CAMKMT: variants seen among roughly 807,000 people sequenced by gnomAD.
The protein encoded by CAMKMT is CaM KMT.
In CAMKMT, 53 loss-of-function variants were observed where a neutral mutation model predicts 48.0. The observed-to-expected ratio is 1.10, with a 90% CI of 0.89 to 1.39. The LOEUF is 1.39. Ranked by LOEUF, CAMKMT falls within the 40% of genes most tolerant of loss-of-function variation. CAMKMT has a pLI of 0.00. For missense variants in CAMKMT, 428 were observed against 402.7 expected (o/e 1.06, Z -0.54); for synonymous variants, 165 against 152.3 (o/e 1.08, Z -0.61).
intron 3 of CAMKMT, among the ~76,000 whole-genome samples, chr2:44,609,491 TA>T (rs1262026086): frequency 2.0e-5 from 3 of 152,314 alleles, no homozygotes; most frequent in African/African-American, 7.2e-5. Flanking sequence ...GCTTAATCAA[TA>T]AAAAATTTAG....
chr2:44,635,646 G>A (rs550258646), intron 3 of CAMKMT, among the ~76,000 whole-genome samples: 3 of 152,254 alleles, frequency 2.0e-5, no homozygotes, highest in East Asian at 3.9e-4. Flanking sequence ...TAAAGATTCT[G>A]AATATGACTT....
intron 8 of CAMKMT, among the ~76,000 whole-genome samples, chr2:44,750,473 T>A (rs940143165): frequency 1.3e-5 from 2 of 152,214 alleles, no homozygotes; most frequent in African/African-American, 4.8e-5. Flanking sequence ...CCCTGCTTTT[T>A]AAAAAGACAT....
At chr2:44,424,719 T>C (rs1304436116) in intron 3 of CAMKMT, among the ~76,000 whole-genome samples, 4 of 152,114 alleles carry the variant, frequency 2.6e-5, no homozygotes, top group Non-Finnish European at 4.4e-5. Flanking sequence ...AGCTAAGCTA[T>C]GAGGATGCAA....
intron 3 of CAMKMT, among the ~76,000 whole-genome samples, chr2:44,670,347 G>A (rs1052258037): frequency 6.6e-6 from 1 of 152,148 alleles, no homozygotes; most frequent in African/African-American, 2.4e-5. Flanking sequence ...TGGAGGCTGA[G>A]GCAGGAGGAT....
At chr2:44,648,893 G>A (rs1220620121) in intron 3 of CAMKMT, among the ~76,000 whole-genome samples, 1 of 152,150 alleles carries the variant, frequency 6.6e-6, no homozygotes, top group Non-Finnish European at 1.5e-5. Flanking sequence ...ACAGCTTCCA[G>A]ACAAGTACTA....
intron 3 of CAMKMT, among the ~76,000 whole-genome samples, chr2:44,621,496 G>A (rs560645132): frequency 6.6e-6 from 1 of 152,272 alleles, no homozygotes; most frequent in South Asian, 2.1e-4. Context: ...AGATCTAAAG[G>A]ATGAGAATAG....
intron 7 of CAMKMT, among the ~76,000 whole-genome samples, chr2:44,721,385 A>G (rs1678453499): frequency 6.6e-6 from 1 of 152,158 alleles, no homozygotes; most frequent in African/African-American, 2.4e-5. Flanking sequence ...TGCTTTCCCT[A>G]TTTTATTTGT....
chr2:44,767,652 C>T, intron 10 of CAMKMT, among the ~76,000 whole-genome samples: 1 of 152,074 alleles, frequency 6.6e-6, no homozygotes, highest in African/African-American at 2.4e-5. Flanking sequence ...GCCCATTGCT[C>T]ATGATCAGAA....
chr2:44,396,731 A>T (rs1350939882), intron 3 of CAMKMT, among the ~76,000 whole-genome samples: 3 of 150,934 alleles, frequency 2.0e-5, no homozygotes, highest in Admixed American at 6.6e-5. Context: ...TCAACTAATG[A>T]TTACCTTTCT....
At chr2:44,555,400 ACATAT>A (rs1242580124) in intron 3 of CAMKMT, among the ~76,000 whole-genome samples, 2 of 152,164 alleles carry the variant, frequency 1.3e-5, no homozygotes, top group African/African-American at 4.8e-5. Context: ...GGCTTGTTTG[ACATAT>A]TGCTGAAGCA....
At chr2:44,640,609 A>C (rs925881661) in intron 3 of CAMKMT, among the ~76,000 whole-genome samples, 1 of 152,196 alleles carries the variant, frequency 6.6e-6, no homozygotes, top group Non-Finnish European at 1.5e-5. Flanking sequence ...GAAGCACACC[A>C]CACACTGCCC....
intron 3 of CAMKMT, among the ~76,000 whole-genome samples, chr2:44,654,083 C>T (rs1040867395): frequency 6.6e-6 from 1 of 152,214 alleles, no homozygotes; most frequent in East Asian, 1.9e-4. Flanking sequence ...TGTAAATTAC[C>T]AGAGAAAGCT....
At chr2:44,572,717 C>A (rs1486626623) in intron 3 of CAMKMT, among the ~76,000 whole-genome samples, 1 of 151,682 alleles carries the variant, frequency 6.6e-6, no homozygotes, top group Non-Finnish European at 1.5e-5. Context: ...GCTGTGTTGG[C>A]TGTTATGAGT....
intron 3 of CAMKMT, among the ~76,000 whole-genome samples, chr2:44,401,751 A>G (rs1367188176): frequency 1.3e-5 from 2 of 152,256 alleles, no homozygotes; most frequent in East Asian, 3.9e-4. Context: ...TTTCAGTTAA[A>G]ATTATCTATA....
chr2:44,445,197 A>G (rs981875766), intron 3 of CAMKMT, among the ~76,000 whole-genome samples: 4 of 152,112 alleles, frequency 2.6e-5, no homozygotes, highest in African/African-American at 9.7e-5. Context: ...GATAATTCCT[A>G]TTCTCTAGGC....
chr2:44,543,096 T>C (rs1667219224), intron 3 of CAMKMT, among the ~76,000 whole-genome samples: 1 of 152,254 alleles, frequency 6.6e-6, no homozygotes, highest in Admixed American at 6.5e-5. Flanking sequence ...CTGGAAATTA[T>C]GTTCATTTAT....
At chr2:44,678,174 A>G (rs570718261) in intron 3 of CAMKMT, among the ~76,000 whole-genome samples, 1 of 152,330 alleles carries the variant, frequency 6.6e-6, no homozygotes, top group South Asian at 2.1e-4. Flanking sequence ...AACAATCTTT[A>G]TGAGTAGCTT....
At chr2:44,702,302 C>T (rs544657348) in intron 3 of CAMKMT, among the ~76,000 whole-genome samples, 36 of 152,080 alleles carry the variant, frequency 2.4e-4, no homozygotes, top group Admixed American at 1.0e-3. Context: ...TTTGCAGTAA[C>T]AGGTCAAAAT....
rs549502088 is a variant in CAMKMT, at chr2:44,772,446, GATACCC to G, written c.*336_*341del. The G allele has an allele frequency of 1.8e-3, 372 of 203,216 alleles. 2 individuals are homozygous for G. Among genetic ancestry groups the G allele is most frequent in the Non-Finnish European group, 2.7e-3 (284 of 103,366 alleles). 12.6% of individuals were successfully genotyped at this position (203,216 alleles called of 1,614,324 possible). A position where few individuals can be genotyped will look rare whatever the true frequency, so the allele number is the denominator to read the frequency against. ...TAATTGAGACAGAATTTCTTTTGAT[GATACCC>G]ATCCCTCCTTCATTTTTTTTTTTTT... is the stretch of plus-strand genomic sequence containing the variant. On this transcript the variant is annotated 3_prime_UTR_variant, in exon 11 of 11. Coordinates refer to ENST00000378494, the MANE Select transcript of CAMKMT (RefSeq NM_024766.5).
Sources: gnomAD v4.1 joint callset for allele counts (sites outside exome capture counted in the v4.1 genomes callset) on GRCh38, gnomAD v4.1.1 for gene constraint, MANE v1.5 for transcripts, NCBI Gene and HGNC (gene_info 2026-07-23, HGNC 2026-07-21) for gene names.